SEMA3E: variants seen among roughly 807,000 people sequenced by gnomAD.
SEMA3E encodes the protein semaphorin 3E.
SEMA3E carries 49 observed loss-of-function variants against 93.6 expected under a neutral mutation model. That is an observed-to-expected ratio of 0.52 (90% CI 0.42 to 0.66). SEMA3E has a LOEUF of 0.66. Ranked by LOEUF, SEMA3E falls within the 30% of genes least tolerant of loss-of-function variation. The pLI, the probability that SEMA3E is intolerant of heterozygous loss-of-function variation, is 0.00. For synonymous variants in SEMA3E, 363 were observed against 330.7 expected, an observed-to-expected ratio of 1.10 and a Z score of -1.06; for missense variants, 906 against 964.8, an observed-to-expected ratio of 0.94 and a Z score of 0.81.
intron 1 of SEMA3E, among the ~76,000 whole-genome samples, chr7:83,507,678 G>A (rs1157330776): frequency 1.3e-5 from 2 of 151,692 alleles, no homozygotes; most frequent in Non-Finnish European, 2.9e-5. Context: ...TGGCTCACAC[G>A]TGTAATCCCA....
chr7:83,508,733 G>A (rs999919338), intron 1 of SEMA3E, among the ~76,000 whole-genome samples: 2 of 152,030 alleles, frequency 1.3e-5, no homozygotes, highest in Admixed American at 6.6e-5. Flanking sequence ...GGGAATTTAG[G>A]TTGTAGGATG....
chr7:83,521,248 T>G (rs1382715619), intron 1 of SEMA3E, among the ~76,000 whole-genome samples: 1 of 152,056 alleles, frequency 6.6e-6, no homozygotes, highest in East Asian at 1.9e-4. Flanking sequence ...AAGGAAATCA[T>G]GGAAAGAACA....
intron 1 of SEMA3E, among the ~76,000 whole-genome samples, chr7:83,572,877 T>G (rs1454977272): frequency 6.6e-6 from 1 of 151,982 alleles, no homozygotes; most frequent in South Asian, 2.1e-4. Context: ...TAACTCAAGA[T>G]AGATTAAAGA....
At position 83,535,233 on chromosome 7, in the gene SEMA3E, A is replaced by G. The variant is rs73708247; in HGVS notation, c.116-44959T>C. On this transcript the variant is annotated intron_variant, in intron 1 of 16. Coordinates refer to ENST00000643230, the MANE Select transcript of SEMA3E (RefSeq NM_012431.3). ...CATAGCTTGGGACTAGGTTCACTGGACCATTTGACTCCACATAAATTTGGC... is the reference window on the plus strand; with the variant it reads ...CATAGCTTGGGACTAGGTTCACTGGGCCATTTGACTCCACATAAATTTGGC... 3.7e-3 allele frequency among the ~76,000 whole-genome samples: 565 copies of G among 152,234 alleles called. 1 individual carries two copies. The highest frequency in any genetic ancestry group is 0.013 in the African/African-American group (538 of 41,530).
At chr7:83,545,462 C>T (rs184287990) in intron 1 of SEMA3E, among the ~76,000 whole-genome samples, 2 of 147,576 alleles carry the variant, frequency 1.4e-5, no homozygotes, top group East Asian at 4.1e-4. Flanking sequence ...CTTTTCAAGG[C>T]TTTATTAAAC....
At chr7:83,529,028 C>T (rs17505926) in intron 1 of SEMA3E, among the ~76,000 whole-genome samples, 80,190 of 151,920 alleles carry the variant, frequency 0.53, 23,509 homozygotes, top group Middle Eastern at 0.7. Flanking sequence ...TCAAGTTGCC[C>T]ATTTACCCTC....
intron 4 of SEMA3E, among the ~76,000 whole-genome samples, chr7:83,463,946 C>T (rs939194927): frequency 5.3e-5 from 8 of 152,246 alleles, no homozygotes; most frequent in African/African-American, 1.9e-4. Context: ...TAGGTAGATA[C>T]TTTCACTGGA....
chr7:83,433,443 T>G (rs1188900955), intron 4 of SEMA3E, among the ~76,000 whole-genome samples: 2 of 152,154 alleles, frequency 1.3e-5, no homozygotes, highest in Non-Finnish European at 2.9e-5. Flanking sequence ...ACCGAAATTC[T>G]TATCTTTATT....
chr7:83,477,400 A>G (rs1371855410), intron 2 of SEMA3E, among the ~76,000 whole-genome samples: 1 of 152,116 alleles, frequency 6.6e-6, no homozygotes, highest in African/African-American at 2.4e-5. Context: ...TATAAATATT[A>G]TTAAAAACAA....
At chr7:83,555,410 A>G (rs1226396652) in intron 1 of SEMA3E, among the ~76,000 whole-genome samples, 1 of 152,224 alleles carries the variant, frequency 6.6e-6, no homozygotes, top group African/African-American at 2.4e-5. Context: ...AATAAAGCAC[A>G]TGGTAGAAGT....
At chr7:83,469,979 G>A (rs1469182244) in intron 2 of SEMA3E, among the ~76,000 whole-genome samples, 1 of 151,742 alleles carries the variant, frequency 6.6e-6, no homozygotes, top group Non-Finnish European at 1.5e-5. Context: ...GTAGAGACAG[G>A]GTTTCACAGT....
chr7:83,503,967 T>C (rs1790647403), intron 1 of SEMA3E, among the ~76,000 whole-genome samples: 2 of 151,690 alleles, frequency 1.3e-5, no homozygotes, highest in Non-Finnish European at 3.0e-5. Context: ...TTTCCCCACT[T>C]GACCTCTAAT....
In SEMA3E at chr7:83,390,105, G is replaced by A. The variant is rs1311424515; in HGVS notation, c.1667+2450C>T. Among the ~76,000 whole-genome samples the A allele has an allele frequency of 1.3e-4, 13 of 98,694 alleles. No individual in the cohort carries two copies. In the East Asian group the frequency reaches 2.3e-3, roughly 17 times the overall value. 64.7% of individuals were successfully genotyped at this position (98,694 alleles called of 152,430 possible). A position where few individuals can be genotyped will look rare whatever the true frequency, so the allele number is the denominator to read the frequency against. On this transcript the variant is annotated intron_variant, in intron 14 of 16. Coordinates refer to ENST00000643230, the MANE Select transcript of SEMA3E (RefSeq NM_012431.3). Reference sequence around the variant, plus strand: ...TGTGCACATATATGCGCGTATACGTGTGCACATATATGCGCGTATACGTGT... The same window carrying A: ...TGTGCACATATATGCGCGTATACGTATGCACATATATGCGCGTATACGTGT...
intron 1 of SEMA3E, among the ~76,000 whole-genome samples, chr7:83,551,708 A>G (rs1791768003): frequency 6.6e-6 from 1 of 152,164 alleles, no homozygotes; most frequent in Non-Finnish European, 1.5e-5. Flanking sequence ...TAGACTTTTT[A>G]TAAAATATGA....
chr7:83,454,626 A>G (rs954902641), intron 4 of SEMA3E, among the ~76,000 whole-genome samples: 2 of 152,178 alleles, frequency 1.3e-5, no homozygotes, highest in African/African-American at 4.8e-5. Flanking sequence ...AAAAAAGTTA[A>G]GAAACAAATA....
chr7:83,466,670 T>G, intron 3 of SEMA3E, 69 bp from the exon 4 acceptor site: 1 of 1,584,510 alleles, frequency 6.3e-7, no homozygotes, highest in South Asian at 1.1e-5. Context: ...TTGATTTTTG[T>G]TTTTCCTAGC....
In SEMA3E at chr7:83,363,315, C is replaced by T. The variant is rs1180687332; in HGVS notation, c.*4271G>A. The T allele has an allele frequency of 2.0e-5, 3 of 152,080 alleles. No individual in the cohort carries two copies. The highest frequency in any genetic ancestry group is 6.6e-5 in the Admixed American group (1 of 15,260). 9.4% of individuals were successfully genotyped at this position (152,080 alleles called of 1,614,324 possible). A position where few individuals can be genotyped will look rare whatever the true frequency, so the allele number is the denominator to read the frequency against. ...AGATTGTACATAATGGTACATAGCGCGTAGTGGCAGATCCACGTTGTAGTC... is the reference window on the plus strand; with the variant it reads ...AGATTGTACATAATGGTACATAGCGTGTAGTGGCAGATCCACGTTGTAGTC... On this transcript the variant is annotated 3_prime_UTR_variant, in exon 17 of 17. Transcript: ENST00000643230.
intron 1 of SEMA3E, among the ~76,000 whole-genome samples, chr7:83,494,426 T>G (rs2115572747): frequency 6.6e-6 from 1 of 151,802 alleles, no homozygotes; most frequent in South Asian, 2.1e-4. Flanking sequence ...AGGTGTAAAG[T>G]TCTACACCTG....
chr7:83,373,734 C>T, intron 16 of SEMA3E, among the ~76,000 whole-genome samples: 1 of 151,832 alleles, frequency 6.6e-6, no homozygotes, highest in East Asian at 1.9e-4. Context: ...AAATTTAGGG[C>T]ATTTATATTC....
Sources: gnomAD v4.1 joint callset for allele counts (sites outside exome capture counted in the v4.1 genomes callset) on GRCh38, gnomAD v4.1.1 for gene constraint, MANE v1.5 for transcripts, NCBI Gene and HGNC (gene_info 2026-07-23, HGNC 2026-07-21) for gene names.